Variants in TNIK observed in about 807,000 individuals in gnomAD.
The protein encoded by TNIK is TRAF2 and NCK-interacting protein kinase.
In TNIK, 49 loss-of-function variants were observed where a neutral mutation model predicts 191.3. The observed-to-expected ratio is 0.26, with a 90% CI of 0.20 to 0.32. TNIK has a LOEUF of 0.32. Ranked by LOEUF, TNIK falls within the 10% of genes least tolerant of loss-of-function variation. TNIK has a pLI of 1.00. For missense variants in TNIK, 1,155 were observed against 1,702.3 expected, an observed-to-expected ratio of 0.68 and a Z score of 5.66; for synonymous variants, 594 against 600.9, an observed-to-expected ratio of 0.99 and a Z score of 0.17.
chr3:171,268,269 C>T (rs1029969104), intron 2 of TNIK, among the ~76,000 whole-genome samples: 6 of 152,110 alleles, frequency 3.9e-5, no homozygotes, highest in African/African-American at 1.4e-4. Context: ...AGAGTCCTGA[C>T]AAGTTGGTTT....
intron 23 of TNIK, 145 bp downstream of exon 23, chr3:171,093,694 T>C: frequency 9.7e-7 from 1 of 1,032,170 alleles, no homozygotes; most frequent in Non-Finnish European, 1.4e-6. Flanking sequence ...TTAAAATCAC[T>C]CAACTATTTG....
chr3:171,180,960 C>T (rs943504517), intron 7 of TNIK, among the ~76,000 whole-genome samples: 1 of 152,152 alleles, frequency 6.6e-6, no homozygotes, highest in African/African-American at 2.4e-5. Context: ...CTATAAAACT[C>T]GCCTCAATTT....
intron 2 of TNIK, among the ~76,000 whole-genome samples, chr3:171,316,827 C>A (rs1306197186): frequency 6.6e-6 from 1 of 151,114 alleles, no homozygotes; most frequent in African/African-American, 2.4e-5. Flanking sequence ...TTATATTTAC[C>A]CATGCAACTA....
chr3:171,157,537 C>A lies in TNIK; in HGVS notation c.1144G>T (p.Glu382Ter). ...TCGGCCAGCAGCTGCCGCTTGTGCT[C>A]CTCATTCTCCCGCTGCTGCTGCTCC... ...QLEQQQRENE[E>*]HKRQLLAERQ... Residue 382 changes from glutamate (E) to a stop codon, truncating the protein, a stop_gained, in exon 12 of 33, where the codon GAG becomes TAG. Transcript: ENST00000436636. LOFTEE classifies it high-confidence loss of function. The A allele has an allele frequency of 6.4e-7, 1 of 1,568,512 alleles. No individual in the cohort carries two copies. The highest frequency in any genetic ancestry group is 2.4e-5 in the East Asian group (1 of 42,088).
At chr3:171,102,396 A>G (rs533573635) in intron 21 of TNIK, among the ~76,000 whole-genome samples, 10 of 152,210 alleles carry the variant, frequency 6.6e-5, no homozygotes, top group Middle Eastern at 3.2e-3. Flanking sequence ...TGAGTTTTCC[A>G]TGAGTATGAT....
intron 2 of TNIK, among the ~76,000 whole-genome samples, chr3:171,286,971 G>A (rs570245571): frequency 6.6e-6 from 1 of 152,236 alleles, no homozygotes; most frequent in South Asian, 2.1e-4. Flanking sequence ...CGTACTGTTG[G>A]TAAGATGGTT....
intron 2 of TNIK, among the ~76,000 whole-genome samples, chr3:171,353,770 C>G (rs765995904): frequency 6.6e-6 from 1 of 152,200 alleles, no homozygotes; most frequent in Non-Finnish European, 1.5e-5. Context: ...GTTTTGCCTA[C>G]AAATCAAAGT....
At chr3:171,363,607 C>T (rs1003160025) in intron 2 of TNIK, among the ~76,000 whole-genome samples, 4 of 152,166 alleles carry the variant, frequency 2.6e-5, no homozygotes, top group African/African-American at 7.2e-5. Context: ...TTCATTGCAG[C>T]AGGCTATGAA....
intron 1 of TNIK, among the ~76,000 whole-genome samples, chr3:171,402,690 A>T (rs1388369976): frequency 6.6e-6 from 1 of 152,222 alleles, no homozygotes; most frequent in Non-Finnish European, 1.5e-5. Context: ...CTGGTAGAAG[A>T]GACATGGTAC....
chr3:171,359,265 T>C (rs925938414), intron 2 of TNIK, among the ~76,000 whole-genome samples: 7 of 152,182 alleles, frequency 4.6e-5, no homozygotes, highest in African/African-American at 1.7e-4. Flanking sequence ...AAGTATCAAC[T>C]CGAAGATGTT....
intron 18 of TNIK, among the ~76,000 whole-genome samples, chr3:171,119,295 G>T (rs571015673): frequency 2.0e-5 from 3 of 152,198 alleles, no homozygotes; most frequent in Non-Finnish European, 2.9e-5. Context: ...GAAACAACAC[G>T]TCCTGGAGAG....
intron 23 of TNIK, among the ~76,000 whole-genome samples, chr3:171,090,409 TC>T (rs1419535302): frequency 1.3e-5 from 2 of 150,476 alleles, no homozygotes; most frequent in Admixed American, 6.6e-5. Context: ...TTCTTTTTTT[TC>T]TTTCTTTTCT....
intron 14 of TNIK, 84 bp downstream of exon 14, chr3:171,139,376 GCGCACACACA>G: frequency 5.6e-6 from 3 of 532,132 alleles, no homozygotes; most frequent in Non-Finnish European, 9.1e-6. Flanking sequence ...ACACGCACGC[GCGCACACACA>G]CACACACACA....
chr3:171,399,713 T>G (rs887250770), intron 1 of TNIK, among the ~76,000 whole-genome samples: 2 of 152,174 alleles, frequency 1.3e-5, no homozygotes, highest in Non-Finnish European at 2.9e-5. Context: ...ATTTTACTTA[T>G]AAAAACATAT....
At chr3:171,096,295 C>G (rs866747821) in intron 22 of TNIK, among the ~76,000 whole-genome samples, 1 of 151,860 alleles carries the variant, frequency 6.6e-6, no homozygotes, top group Non-Finnish European at 1.5e-5. Context: ...TCAGTCCTTT[C>G]CCCCTCATAT....
At chr3:171,279,324 C>T (rs1284033906) in intron 2 of TNIK, among the ~76,000 whole-genome samples, 2 of 152,060 alleles carry the variant, frequency 1.3e-5, no homozygotes, top group Admixed American at 6.6e-5. Flanking sequence ...TTTCCATGTC[C>T]ATAAACATAA....
intron 2 of TNIK, among the ~76,000 whole-genome samples, chr3:171,258,486 G>T (rs1169338116): frequency 6.6e-6 from 1 of 151,968 alleles, no homozygotes; most frequent in East Asian, 1.9e-4. Flanking sequence ...TTTTTCCAAT[G>T]CCCCATGTCA....
chr3:171,084,172 A>C lies in TNIK; in HGVS notation c.3152T>G (p.Leu1051Arg). ...CAACATACCCCACAGAGCTGCACAAAGTATTTCTGAGTTGAATCGTTTCTT... is the reference window on the plus strand; with the variant it reads ...CAACATACCCCACAGAGCTGCACAACGTATTTCTGAGTTGAATCGTTTCTT... ...KYKKRFNSEI[L>R]CAALWGVNLL... is the part of the protein sequence containing the mutation. Residue 1051 changes from leucine to arginine, a missense_variant, in exon 26 of 33, where the codon CTT (leucine) becomes CGT (arginine). By Grantham distance (102) the Leu-to-Arg change is moderately radical. Transcript: ENST00000436636. 6.2e-7 allele frequency: 1 copy of C among 1,612,436 alleles called. No individual in the cohort carries two copies. Among genetic ancestry groups the C allele is most frequent in the Non-Finnish European group, 8.5e-7 (1 of 1,179,368 alleles).
intron 1 of TNIK, chr3:171,439,754 C>G (rs79300617): frequency 4.4e-4 from 67 of 152,370 alleles, no homozygotes; most frequent in African/African-American, 1.6e-3. Context: ...AACTGCAAAG[C>G]TTAGGACCAA....
Sources: gnomAD v4.1 joint callset for allele counts (sites outside exome capture counted in the v4.1 genomes callset) on GRCh38, gnomAD v4.1.1 for gene constraint, MANE v1.5 for transcripts, NCBI Gene and HGNC (gene_info 2026-07-23, HGNC 2026-07-21) for gene names.